POLR2F: variants seen among roughly 807,000 people sequenced by gnomAD.
The protein encoded by POLR2F is DNA-directed RNA polymerases I, II, and III subunit RPABC2.
A neutral mutation model predicts 22.7 loss-of-function variants in POLR2F; 12 were observed. That is an observed-to-expected ratio of 0.53 (90% CI 0.34 to 0.86). The LOEUF is 0.86. POLR2F is among the 40% of genes least tolerant of loss of function. The pLI, the probability that POLR2F is intolerant of heterozygous loss-of-function variation, is 0.02. For missense variants in POLR2F, 126 were observed against 171.5 expected, an observed-to-expected ratio of 0.73 and a Z score of 1.48; for synonymous variants, 57 against 66.0, an observed-to-expected ratio of 0.86 and a Z score of 0.66.
In POLR2F at chr22:38,017,404, G is replaced by T. The variant is rs2084924624; in HGVS notation, c.121-8465G>T. Among the ~76,000 whole-genome samples, 1 of 152,148 alleles carries T rather than the reference G, an allele frequency of 6.6e-6. No homozygotes were observed. Among genetic ancestry groups the T allele is most frequent in the African/African-American group, 2.4e-5 (1 of 41,420 alleles). ...CAGCTGGGCCTGGTCCAGATGCGGG[G>T]GCAGGAGCTGAAAAAGAACCTCAGT... On this transcript the variant is annotated intron_variant, in intron 1 of 2. Coordinates refer to the POLR2F transcript ENST00000333418. This position sits in a 1 kb window ranked among gnomAD's most constrained non-coding sequence, Gnocchi z 4.1.
At chr22:37,953,960 G>A (rs1931242779) in intron 1 of POLR2F, 153 bp downstream of exon 1, 1 of 900,926 alleles carries the variant, frequency 1.1e-6, no homozygotes, top group Non-Finnish European at 1.7e-6. Flanking sequence ...GGAAGGGCGG[G>A]CGACCCAGGA....
intron 1 of POLR2F, among the ~76,000 whole-genome samples, chr22:37,993,174 G>A (rs538547508): frequency 6.6e-6 from 1 of 152,324 alleles, no homozygotes; most frequent in South Asian, 2.1e-4. Context: ...TCTGAGCAGG[G>A]TGGGCTGCAC....
chr22:38,020,534 T>A (rs867666102), intron 1 of POLR2F, among the ~76,000 whole-genome samples: 30 of 151,196 alleles, frequency 2.0e-4, no homozygotes, highest in African/African-American at 7.3e-4. Flanking sequence ...CCTCCCAAAG[T>A]GCTGGGATTA....
chr22:37,963,325 A>G (rs916443922), intron 3 of POLR2F, among the ~76,000 whole-genome samples: 12 of 150,288 alleles, frequency 8.0e-5, no homozygotes, highest in Non-Finnish European at 1.3e-4. Context: ...GTTTGGCTCT[A>G]TCACCCGGGC....
upstream of POLR2F, among the ~76,000 whole-genome samples, chr22:37,984,794 A>G (rs1259894578): frequency 3.3e-5 from 5 of 152,094 alleles, no homozygotes; most frequent in African/African-American, 1.2e-4. The surrounding 1 kb of genome is among the most constrained non-coding windows in gnomAD (Gnocchi z 4.4). Flanking sequence ...AGGCCGAGGA[A>G]GGAAGAGATG....
intron 3 of POLR2F, among the ~76,000 whole-genome samples, chr22:37,964,681 C>T (rs1485954714): frequency 6.7e-6 from 1 of 150,272 alleles, no homozygotes; most frequent in Non-Finnish European, 1.5e-5. Context: ...AAGGAATTCT[C>T]CAGCCTCAGC....
Position 38,014,804 on chromosome 22 carries a change from GTA to G in POLR2F, c.121-11063_121-11062del, listed in dbSNP as rs1272047987. On this transcript the variant is annotated intron_variant, in intron 1 of 2. Transcript: ENST00000333418. Reference sequence around the variant, plus strand: ...GGCTCACACCTGTATTTGTATTTTTGTATTTTTTTTTTTTTTTTTTTGAGATG... The same window carrying G: ...GGCTCACACCTGTATTTGTATTTTTGTTTTTTTTTTTTTTTTTTTGAGATG... Among the ~76,000 whole-genome samples the G allele has an allele frequency of 4.0e-3, 433 of 108,592 alleles. 4 individuals carry two copies. Among genetic ancestry groups the G allele is most frequent in the Non-Finnish European group, 3.9e-3 (208 of 53,868 alleles). The allele number at this position is 108,592 out of a possible 152,430, so 71.2% of individuals were successfully genotyped here.
intron 3 of POLR2F, among the ~76,000 whole-genome samples, chr22:37,962,460 C>CCTG (rs1569163427): frequency 9.2e-5 from 14 of 152,102 alleles, no homozygotes; most frequent in Non-Finnish European, 1.8e-4. Context: ...TCCTCAGTAG[C>CCTG]GGACCTCTTC....
At chr22:37,989,501 G>A (rs1448970573) in intron 1 of POLR2F, among the ~76,000 whole-genome samples, 1 of 152,180 alleles carries the variant, frequency 6.6e-6, no homozygotes, top group East Asian at 1.9e-4. Flanking sequence ...GGGATGACAA[G>A]CTCCTCTGTC....
Position 37,967,881 on chromosome 22 carries a change from A to C in POLR2F, c.*166A>C. 2 of 1,364,386 alleles carry C rather than the reference A, an allele frequency of 1.5e-6. No individual in the cohort carries two copies. The highest frequency in any genetic ancestry group is 1.7e-5 in the South Asian group (1 of 59,594). The allele number at this position is 1,364,386 out of a possible 1,614,324, so 84.5% of individuals were successfully genotyped here. A position where few individuals can be genotyped will look rare whatever the true frequency, so the allele number is the denominator to read the frequency against. On this transcript the variant is annotated 3_prime_UTR_variant, in exon 5 of 5. Coordinates refer to ENST00000442738, the MANE Select transcript of POLR2F (RefSeq NM_021974.5). Reference sequence around the variant, plus strand: ...GCCATGCTGCGTGGAGCATGCACCTATTCCAGTGGCCCTGTGACTGTCAGC... The same window carrying C: ...GCCATGCTGCGTGGAGCATGCACCTCTTCCAGTGGCCCTGTGACTGTCAGC...
intron 5 of POLR2F, among the ~76,000 whole-genome samples, chr22:38,036,506 G>T (rs756354587): frequency 2.7e-5 from 4 of 150,282 alleles, no homozygotes; most frequent in Non-Finnish European, 3.0e-5. Flanking sequence ...CTGTCCTAGA[G>T]GAGCAGGCCC....
At chr22:37,972,374 G>A, downstream of POLR2F, 1 of 496,468 alleles carries the variant, frequency 2.0e-6, no homozygotes, top group Non-Finnish European at 3.7e-6. Context: ...GGGCTAGAGT[G>A]GCTAGGAGAG....
Position 38,031,807 on chromosome 22 carries a change from C to T in POLR2F, c.453-9261C>T, listed in dbSNP as rs1292831998. ...CCCCATCAACGGCCCCACTGTTCTC[C>T]AGTGACCCAGGCATGAAGCTTCGGA... is the stretch of plus-strand genomic sequence containing the variant. On this transcript the variant is annotated intron_variant, in intron 5 of 5. Transcript: ENST00000407936. This position sits in a 1 kb window ranked among gnomAD's most constrained non-coding sequence, Gnocchi z 4.1. 1.3e-5 allele frequency among the ~76,000 whole-genome samples: 2 copies of T among 152,180 alleles called. No homozygotes were observed. Among genetic ancestry groups the T allele is most frequent in the Admixed American group, 1.3e-4 (2 of 15,288 alleles).
intron 1 of POLR2F, among the ~76,000 whole-genome samples, chr22:37,956,430 A>AC (rs1412039216): frequency 2.2e-4 from 31 of 144,180 alleles, no homozygotes; most frequent in African/African-American, 8.1e-4. Context: ...TTTCTTATTT[A>AC]TTTTGAGACA....
Position 38,016,665 on chromosome 22 carries a change from A to G in POLR2F, c.121-9204A>G, listed in dbSNP as rs2145815795. Reference sequence around the variant, plus strand: ...CTGGTTTATCTGGTTCCTCTTGTTTATGAGCAGGGCTCCTTTGGCAGCGGT... The same window carrying G: ...CTGGTTTATCTGGTTCCTCTTGTTTGTGAGCAGGGCTCCTTTGGCAGCGGT... On this transcript the variant is annotated intron_variant, in intron 1 of 2. Transcript: ENST00000333418. The surrounding 1 kb of genome is among the most constrained non-coding windows in gnomAD (Gnocchi z 4.4). Among the ~76,000 whole-genome samples, 1 of 143,130 alleles carries G rather than the reference A, an allele frequency of 7.0e-6. No individual in the cohort carries two copies. The highest frequency in any genetic ancestry group is 2.3e-4 in the East Asian group (1 of 4,340). The allele number at this position is 143,130 out of a possible 152,430, so 93.9% of individuals were successfully genotyped here.
At chr22:38,031,178 G>T (rs559980765), downstream of POLR2F, among the ~76,000 whole-genome samples, 1 of 152,298 alleles carries the variant, frequency 6.6e-6, no homozygotes, top group South Asian at 2.1e-4. The surrounding 1 kb of genome is among the most constrained non-coding windows in gnomAD (Gnocchi z 4.1). Context: ...TTAAGAGCGA[G>T]AGTTTGGGTG....
Position 38,010,112 on chromosome 22 carries a change from T to C in POLR2F, c.121-15757T>C, listed in dbSNP as rs190936581. ...GATCAAGTCTGGGCGTGGTGGCTTA[T>C]GCCTGTAATCCCAGCACTTTGAGAG... On this transcript the variant is annotated intron_variant, in intron 1 of 2. Transcript: ENST00000333418. 6.2e-3 allele frequency among the ~76,000 whole-genome samples: 943 copies of C among 152,336 alleles called. 3 individuals are homozygous for C. Among genetic ancestry groups the C allele is most frequent in the Non-Finnish European group, 0.01 (710 of 68,034 alleles).
intron 1 of POLR2F, among the ~76,000 whole-genome samples, chr22:38,004,991 C>A (rs1341283133): frequency 6.6e-6 from 1 of 152,124 alleles, no homozygotes; most frequent in East Asian, 1.9e-4. Flanking sequence ...TTGTTGCTGG[C>A]AAATTAGAAA....
chr22:38,036,870 C>T (rs1005323322), intron 5 of POLR2F, among the ~76,000 whole-genome samples: 1 of 152,134 alleles, frequency 6.6e-6, no homozygotes, highest in Non-Finnish European at 1.5e-5. Flanking sequence ...CCTCTCAGGC[C>T]TTTTGTGCTG....
Sources: allele counts gnomAD v4.1 joint callset (sites outside exome capture counted in the v4.1 genomes callset), GRCh38; gene constraint gnomAD v4.1.1; non-coding constraint Gnocchi (gnomAD v3.1); transcripts MANE v1.5; gene names NCBI Gene and HGNC (gene_info 2026-07-23, HGNC 2026-07-21).